Variants in ARFGAP1 observed in about 807,000 individuals in gnomAD.
ARFGAP1 encodes ARF GTPase activating protein 1.
Under a neutral mutation model 54.0 loss-of-function variants are expected in ARFGAP1, and 26 were observed. The observed-to-expected ratio is 0.48, with a 90% CI of 0.35 to 0.67. The LOEUF is 0.67. Among genes scored for constraint, ARFGAP1 ranks in the 30% least tolerant of loss-of-function variants. The probability of loss-of-function intolerance (pLI) is 0.00; values close to 1 mark genes in which losing one functional copy is unlikely to be tolerated. For missense variants in ARFGAP1, 525 were observed against 535.8 expected (o/e 0.98, Z 0.20); for synonymous variants, 248 against 211.9 (o/e 1.17, Z -1.48).
chr20:63,288,336 G>A lies in ARFGAP1; in HGVS notation c.*463G>A. 1 of 459,578 alleles carries A rather than the reference G, an allele frequency of 2.2e-6. No individual in the cohort carries two copies. Among genetic ancestry groups the A allele is most frequent in the Non-Finnish European group, 4.4e-6 (1 of 229,286 alleles). The allele number at this position is 459,578 out of a possible 1,614,324, so 28.5% of individuals were successfully genotyped here. A position where few individuals can be genotyped will look rare whatever the true frequency, so the allele number is the denominator to read the frequency against. On this transcript the variant is annotated 3_prime_UTR_variant, in exon 13 of 13. Transcript: ENST00000370283. Reference sequence around the variant, plus strand: ...TCTTTCTTTTTGAAGAGAGTGACTGGAGTGGTAAAGATGGAAATGCTGGAA... The same window carrying A: ...TCTTTCTTTTTGAAGAGAGTGACTGAAGTGGTAAAGATGGAAATGCTGGAA...
At chr20:63,284,411 GCTC>G (rs1410592291) in intron 9 of ARFGAP1, 4 of 1,075,746 alleles carry the variant, frequency 3.7e-6, no homozygotes, top group Non-Finnish European at 4.5e-6. Context: ...GAGAGGCTGA[GCTC>G]CTTTCTCAGC....
rs1287007304 is a variant in ARFGAP1 at position 63,288,360 on chromosome 20, A to G, written c.*487A>G. The G allele has an allele frequency of 4.4e-6, 2 of 456,992 alleles. No homozygotes were observed. Among genetic ancestry groups the G allele is most frequent in the South Asian group, 3.1e-5 (2 of 64,578 alleles). The allele number at this position is 456,992 out of a possible 1,614,324, so 28.3% of individuals were successfully genotyped here. On this transcript the variant is annotated 3_prime_UTR_variant, in exon 13 of 13. Transcript: ENST00000370283. The stretch of plus-strand genomic sequence containing the variant: ...GGAGTGGTAAAGATGGAAATGCTGG[A>G]AATGATACTGGCGCTCACGCTGCCA...
intron 1 of ARFGAP1, among the ~76,000 whole-genome samples, chr20:63,274,785 A>G (rs1355898901): frequency 6.6e-6 from 1 of 151,878 alleles, no homozygotes; most frequent in Non-Finnish European, 1.5e-5. Context: ...AACTATATCA[A>G]TTTTCCTGGT....
chr20:63,282,751 G>T lies in ARFGAP1; in HGVS notation c.685-68G>T, dbSNP rs554151555. 9.0e-6 allele frequency: 14 copies of T among 1,550,874 alleles called. No homozygotes were observed. In the East Asian group the frequency reaches 2.7e-4, roughly 30 times the overall value. On this transcript the variant is annotated intron_variant, in intron 8 of 12. Coordinates refer to ENST00000370283, the MANE Select transcript of ARFGAP1 (RefSeq NM_018209.4). Reference sequence around the variant, plus strand: ...GACAGTCCTGGACCTGAGTCTGTGGGCCCTGAGGAAGGATGCCTGGCAGCC... The same window carrying T: ...GACAGTCCTGGACCTGAGTCTGTGGTCCCTGAGGAAGGATGCCTGGCAGCC...
chr20:63,275,629 G>A lies in ARFGAP1; in HGVS notation c.49G>A (p.Asp17Asn), dbSNP rs1390326258. The change falls in exon 2 of 13, where the codon GAT becomes AAT. Residue 17 changes from aspartate (D) to asparagine (N), a missense_variant. This residue lies in a region of ARFGAP1 where 39 missense variants were observed against 40.4 expected (regional missense o/e 0.97). Transcript: ENST00000370283. The part of the protein sequence containing the change: ...RKVLKEVRVQ[D>N]ENNVCFECGA... ...GGTTCTTAAAGAAGTCAGGGTGCAG[G>A]ATGAGAACAACGTAAGCCTCTGCCC... The A allele has an allele frequency of 1.2e-6, 2 of 1,613,804 alleles. No individual in the cohort carries two copies. The highest frequency in any genetic ancestry group is 1.3e-5 in the African/African-American group (1 of 74,932).
rs2067139889 is a variant in ARFGAP1 at position 63,272,923 on chromosome 20, A to G, written c.-5+3A>G. The stretch of plus-strand genomic sequence containing the variant: ...GCCCTGCCCGCCCCTCCCTCCAGGT[A>G]AGCGCGCGGCTCGGCGGCGCGGGCT... On this transcript the variant is annotated splice_donor_region_variant and intron_variant, in intron 1 of 12. Coordinates refer to ENST00000370283, the MANE Select transcript of ARFGAP1 (RefSeq NM_018209.4). 6.6e-6 allele frequency: 1 copy of G among 150,420 alleles called. No homozygotes were observed. 9.3% of individuals were successfully genotyped at this position (150,420 alleles called of 1,614,324 possible).
rs113793400 is a variant in ARFGAP1, at chr20:63,275,605, G to A, written c.25G>A (p.Val9Ile). 4.3e-6 allele frequency: 7 copies of A among 1,613,804 alleles called. No homozygotes were observed. Among genetic ancestry groups the A allele is most frequent in the Non-Finnish European group, 3.4e-6 (4 of 1,180,008 alleles). Residue 9 changes from valine to isoleucine, a missense_variant, in exon 2 of 13, where the codon GTT (valine) becomes ATT (isoleucine). Val to Ile is a conservative substitution (Grantham distance 29). Coordinates refer to ENST00000370283, the MANE Select transcript of ARFGAP1 (RefSeq NM_018209.4). MASPRTRK[V>I]LKEVRVQDEN... ...CATGGCCAGCCCAAGAACCAGGAAGGTTCTTAAAGAAGTCAGGGTGCAGGA... is the reference window on the plus strand; with the variant it reads ...CATGGCCAGCCCAAGAACCAGGAAGATTCTTAAAGAAGTCAGGGTGCAGGA...
rs773518669 is a variant in ARFGAP1, at chr20:63,289,235, C to T, written c.*1362C>T. ...GGTCAGAGGCGGGGCATCAGAGGCT[C>T]AAGGTGCTGAGAAGCCACCGGGAAA... On this transcript the variant is annotated 3_prime_UTR_variant, in exon 13 of 13. Transcript: ENST00000370283. 1 of 152,364 alleles carries T rather than the reference C, an allele frequency of 6.6e-6. No individual in the cohort carries two copies. Among genetic ancestry groups the T allele is most frequent in the Non-Finnish European group, 1.5e-5 (1 of 68,210 alleles). 9.4% of individuals were successfully genotyped at this position (152,364 alleles called of 1,614,324 possible).
intron 7 of ARFGAP1, among the ~76,000 whole-genome samples, chr20:63,280,931 A>T (rs2067363807): frequency 6.6e-6 from 1 of 152,218 alleles, no homozygotes; most frequent in Non-Finnish European, 1.5e-5. Flanking sequence ...TCGTGACCCC[A>T]CACGCCTCAC....
chr20:63,278,754 A>G lies in ARFGAP1; in HGVS notation c.531-145A>G, dbSNP rs1186488639. On this transcript the variant is annotated intron_variant, in intron 6 of 12. Coordinates refer to ENST00000370283, the MANE Select transcript of ARFGAP1 (RefSeq NM_018209.4). ...TCAGAAAGCACATCTCTCTGCTGCCACAGGAGGCAGCGTGCATGTCCTGTG... is the reference window on the plus strand; with the variant it reads ...TCAGAAAGCACATCTCTCTGCTGCCGCAGGAGGCAGCGTGCATGTCCTGTG... 3 of 592,128 alleles carry G rather than the reference A, an allele frequency of 5.1e-6. No homozygotes were observed. The East Asian group carries it at 8.5e-5, about 17-fold the overall frequency. The allele number at this position is 592,128 out of a possible 1,614,324, so 36.7% of individuals were successfully genotyped here. A position where few individuals can be genotyped will look rare whatever the true frequency, so the allele number is the denominator to read the frequency against.
rs6122111 is a variant in ARFGAP1 at position 63,281,347 on chromosome 20, C to T, written c.684C>T (p.Gly228=). The T allele has an allele frequency of 5.6e-6, 9 of 1,595,064 alleles. No homozygotes were observed. Among genetic ancestry groups the T allele is most frequent in the Non-Finnish European group, 6.0e-6 (7 of 1,175,102 alleles). The change falls in exon 8 of 13, where the codon GGC becomes GGT. Residue 228 remains glycine (G), a splice_region_variant and synonymous_variant. Transcript: ENST00000370283. ...GGTTTGCCTCGGCAGCCAAGGAGGG[C>T]GTAAGTCACTGCCCCTGCCATGCCA... The part of the protein sequence containing the change: ...ASRFASAAKE[G]ATKFGSQASQ...
intron 2 of ARFGAP1, 102 bp downstream of exon 2, chr20:63,275,742 G>A: frequency 8.4e-7 from 1 of 1,187,618 alleles, no homozygotes; most frequent in Middle Eastern, 2.0e-4. Flanking sequence ...CTCCTGCAGT[G>A]GATGGTGGTT....
rs1023961140 is a variant in ARFGAP1, at chr20:63,284,482, C to A, written c.718-384C>A. 7 of 1,114,006 alleles carry A rather than the reference C, an allele frequency of 6.3e-6. No homozygotes were observed. The African/African-American group carries it at 1.1e-4, about 18-fold the overall frequency. The allele number at this position is 1,114,006 out of a possible 1,614,324, so 69.0% of individuals were successfully genotyped here. A position where few individuals can be genotyped will look rare whatever the true frequency, so the allele number is the denominator to read the frequency against. ...TCTTCCCTCCAGGGGGGACTCGGTGCCTGCCTGGGGAGGAAGGAGAGGCGT... is the reference window on the plus strand; with the variant it reads ...TCTTCCCTCCAGGGGGGACTCGGTGACTGCCTGGGGAGGAAGGAGAGGCGT... On this transcript the variant is annotated intron_variant, in intron 9 of 12. Transcript: ENST00000370283.
intron 9 of ARFGAP1, chr20:63,284,538 C>G: frequency 8.3e-7 from 1 of 1,202,954 alleles, no homozygotes. Flanking sequence ...CTGCAGCCGG[C>G]GTTGGCCTCA....
chr20:63,272,958 GCCCCGGCTGCCGCGGCGTCGT>G, intron 1 of ARFGAP1, 38 bp downstream of exon 1: 1 of 152,090 alleles, frequency 6.6e-6, no homozygotes, highest in African/African-American at 2.4e-5. Context: ...TCGGCCTGAG[GCCCCGGCTGCCGCGGCGTCGT>G]CCCCGGCCTT....
chr20:63,279,753 G>C (rs777108381), intron 7 of ARFGAP1, among the ~76,000 whole-genome samples: 30 of 152,222 alleles, frequency 2.0e-4, no homozygotes, highest in Non-Finnish European at 1.0e-4. Flanking sequence ...CAGATGTTCA[G>C]AGTATGACAC....
intron 8 of ARFGAP1, 105 bp from the exon 9 acceptor site, chr20:63,282,714 G>A (rs2067416403): frequency 2.5e-6 from 3 of 1,195,880 alleles, no homozygotes; most frequent in Non-Finnish European, 3.7e-6. Flanking sequence ...GGCAGCCCGG[G>A]GGCCATTGAG....
At chr20:63,284,345 C>T in intron 9 of ARFGAP1, 1 of 1,072,872 alleles carries the variant, frequency 9.3e-7, no homozygotes, top group Non-Finnish European at 1.1e-6. Context: ...AAGAGGAGGC[C>T]TCACACCACA....
At chr20:63,280,506 A>G (rs147641072) in intron 7 of ARFGAP1, among the ~76,000 whole-genome samples, 17 of 152,352 alleles carry the variant, frequency 1.1e-4, no homozygotes, top group Admixed American at 1.1e-3. Context: ...AAAGTCTGTT[A>G]ACTGGAAATA....
Sources: gnomAD v4.1 joint callset for allele counts (sites outside exome capture counted in the v4.1 genomes callset) on GRCh38, gnomAD v4.1.1 for gene constraint, gnomAD v4.1.1 regional missense constraint, MANE v1.5 for transcripts, NCBI Gene and HGNC (gene_info 2026-07-23, HGNC 2026-07-21) for gene names.